The following KPNA5 variants were observed in gnomAD, a reference collection of about 807,000 sequenced individuals.
The protein encoded by KPNA5 is importin subunit alpha-6.
In KPNA5, 46 loss-of-function variants were observed where a neutral mutation model predicts 71.3. That is an observed-to-expected ratio of 0.65 (90% CI 0.51 to 0.83). The LOEUF (loss-of-function observed/expected upper bound fraction) is 0.83. Ranked by LOEUF, KPNA5 falls within the 40% of genes least tolerant of loss-of-function variation. The pLI is 0.00. For synonymous variants in KPNA5, 207 were observed against 201.4 expected (o/e 1.03, Z -0.24); for missense variants, 547 against 628.3 (o/e 0.87, Z 1.38).
intron 13 of KPNA5, among the ~76,000 whole-genome samples, chr6:116,731,064 G>T (rs1490326603): frequency 6.6e-6 from 1 of 151,676 alleles, no homozygotes; most frequent in African/African-American, 2.4e-5. Flanking sequence ...ACAGAGATTT[G>T]ATGAAAATTA....
At chr6:116,711,136 C>T (rs1241630704) in intron 7 of KPNA5, among the ~76,000 whole-genome samples, 2 of 151,302 alleles carry the variant, frequency 1.3e-5, no homozygotes, top group African/African-American at 2.4e-5. Context: ...TCAGGTGATC[C>T]GCTTGCCTCA....
At position 116,734,037 on chromosome 6, in the gene KPNA5, G is replaced by A. The variant is rs1164413200; in HGVS notation, c.*1714G>A. The A allele has an allele frequency of 2.0e-5, 3 of 151,594 alleles. No individual in the cohort carries two copies. In the South Asian group the frequency reaches 6.2e-4, roughly 31 times the overall value. 9.4% of individuals were successfully genotyped at this position (151,594 alleles called of 1,614,324 possible). On this transcript the variant is annotated 3_prime_UTR_variant, in exon 14 of 14. Coordinates refer to ENST00000368564, the MANE Select transcript of KPNA5 (RefSeq NM_001366306.2). ...TATTATTAAGTAGAAGATTGTATCT[G>A]TGCCCCTTTTTTCGTAGTGGAAGGT...
chr6:116,682,538 C>T (rs1777404304), intron 1 of KPNA5, among the ~76,000 whole-genome samples: 1 of 152,178 alleles, frequency 6.6e-6, no homozygotes, highest in Non-Finnish European at 1.5e-5. Context: ...TGAGGGCTCT[C>T]TAGTTGGCAC....
Position 116,739,981 on chromosome 6 carries a change from G to A in KPNA5, c.*7658G>A, listed in dbSNP as rs1259801055. The A allele has an allele frequency of 6.6e-6, 1 of 152,046 alleles. No individual in the cohort carries two copies. Among genetic ancestry groups the A allele is most frequent in the Non-Finnish European group, 1.5e-5 (1 of 68,078 alleles). The allele number at this position is 152,046 out of a possible 1,614,324, so 9.4% of individuals were successfully genotyped here. A position where few individuals can be genotyped will look rare whatever the true frequency, so the allele number is the denominator to read the frequency against. ...AACACCAAAAGCAATGGCAACAAAA[G>A]CCAAAATTGACAAATGGGATGTAAT... On this transcript the variant is annotated 3_prime_UTR_variant, in exon 14 of 14. Transcript: ENST00000368564.
In KPNA5 at chr6:116,741,214, T is replaced by C. The variant is rs1370064512; in HGVS notation, c.*8891T>C. On this transcript the variant is annotated 3_prime_UTR_variant, in exon 14 of 14. Coordinates refer to ENST00000368564, the MANE Select transcript of KPNA5 (RefSeq NM_001366306.2). ...CTAGTCTGCTTAATTCATCAGTTTCTAACTCGCCAGTTTCTAAGAGAGGTG... is the reference window on the plus strand; with the variant it reads ...CTAGTCTGCTTAATTCATCAGTTTCCAACTCGCCAGTTTCTAAGAGAGGTG... The C allele has an allele frequency of 6.6e-6, 1 of 152,158 alleles. No homozygotes were observed. Among genetic ancestry groups the C allele is most frequent in the Non-Finnish European group, 1.5e-5 (1 of 68,026 alleles). 9.4% of individuals were successfully genotyped at this position (152,158 alleles called of 1,614,324 possible).
chr6:116,705,523 T>G (rs950889179), intron 7 of KPNA5, among the ~76,000 whole-genome samples: 1 of 152,170 alleles, frequency 6.6e-6, no homozygotes, highest in Non-Finnish European at 1.5e-5. Flanking sequence ...TGTTTTAAAT[T>G]TTATTAAAAG....
chr6:116,682,515 G>A (rs1285695594), intron 1 of KPNA5, among the ~76,000 whole-genome samples: 1 of 152,136 alleles, frequency 6.6e-6, no homozygotes, highest in Admixed American at 6.5e-5. Flanking sequence ...CCTAAGTACT[G>A]CTTGTTTGGT....
chr6:116,694,186 G>A (rs1207526708), intron 4 of KPNA5, among the ~76,000 whole-genome samples: 1 of 152,082 alleles, frequency 6.6e-6, no homozygotes, highest in Non-Finnish European at 1.5e-5. Flanking sequence ...CTCCAGTTTT[G>A]TTCTTTTTGC....
At chr6:116,705,197 C>G (rs753620993) in intron 7 of KPNA5, 37 bp downstream of exon 7, 3 of 1,375,686 alleles carry the variant, frequency 2.2e-6, no homozygotes, top group South Asian at 2.4e-5. Context: ...ATATCAAAAA[C>G]TATATACTCC....
chr6:116,726,061 A>AGTGTGTGTGTGTGT (rs58131077), intron 11 of KPNA5, among the ~76,000 whole-genome samples, 185 bp downstream of exon 11: 3,831 of 150,620 alleles, frequency 0.025, 80 homozygotes, highest in African/African-American at 0.037. Context: ...AAGAACATCA[A>AGTGTGTGTGTGTGT]GTGTGTGTGT....
chr6:116,714,612 T>C (rs1375433560), intron 7 of KPNA5, among the ~76,000 whole-genome samples: 1 of 152,164 alleles, frequency 6.6e-6, no homozygotes, highest in Non-Finnish European at 1.5e-5. Flanking sequence ...ACATCCCTCA[T>C]AGCCCAAGTA....
chr6:116,726,589 A>T lies in KPNA5; in HGVS notation c.1220A>T (p.Asn407Ile). The T allele has an allele frequency of 6.2e-7, 1 of 1,612,220 alleles. No individual in the cohort carries two copies. Among genetic ancestry groups the T allele is most frequent in the Non-Finnish European group, 8.5e-7 (1 of 1,179,112 alleles). ...AAAGAAGCAGCTTGGGCTATAACTA[A>T]TGCAACATCAGGAGGTACTCCAGAG... ...TRKEAAWAIT[N>I]ATSGGTPEQI... The change falls in exon 12 of 14, where the codon AAT (asparagine) becomes ATT (isoleucine). Residue 407 changes from asparagine (N) to isoleucine (I), a missense_variant. Transcript: ENST00000368564.
At chr6:116,708,568 A>G (rs1160337657) in intron 7 of KPNA5, among the ~76,000 whole-genome samples, 1 of 152,192 alleles carries the variant, frequency 6.6e-6, no homozygotes, top group Non-Finnish European at 1.5e-5. Flanking sequence ...CCAATTCATG[A>G]ACCTGGGAAA....
At chr6:116,698,060 G>A (rs1469104867) in intron 4 of KPNA5, among the ~76,000 whole-genome samples, 1 of 151,996 alleles carries the variant, frequency 6.6e-6, no homozygotes, top group African/African-American at 2.4e-5. Context: ...GGAAGTTACT[G>A]AAGAACCGTA....
At chr6:116,712,339 A>G (rs916369915) in intron 7 of KPNA5, among the ~76,000 whole-genome samples, 1 of 152,168 alleles carries the variant, frequency 6.6e-6, no homozygotes, top group African/African-American at 2.4e-5. Flanking sequence ...AGTTTGTCTC[A>G]TTAGTGTAAC....
In KPNA5 at chr6:116,687,138, G is replaced by A. The variant is rs1583399779; in HGVS notation, c.5-2182G>A. On this transcript the variant is annotated intron_variant, in intron 1 of 13. Coordinates refer to ENST00000368564, the MANE Select transcript of KPNA5 (RefSeq NM_001366306.2). ...CTTTGGCCAGTATGTCCATTTTCAC[G>A]ATATTGATTCTTCCTATCCACAAGC... 4.6e-5 allele frequency among the ~76,000 whole-genome samples: 7 copies of A among 152,122 alleles called. No homozygotes were observed. The South Asian group carries it at 1.4e-3, about 31-fold the overall frequency.
Position 116,732,372 on chromosome 6 carries a change from A to G in KPNA5, c.*49A>G. ...TGGCTAAAAAGGGTAGCTTCAGGTA[A>G]CTCCTCTTTGTTGCCAATGTAAGAA... On this transcript the variant is annotated 3_prime_UTR_variant, in exon 14 of 14. Coordinates refer to ENST00000368564, the MANE Select transcript of KPNA5 (RefSeq NM_001366306.2). 9.4e-7 allele frequency: 1 copy of G among 1,062,006 alleles called. No homozygotes were observed. The allele number at this position is 1,062,006 out of a possible 1,614,324, so 65.8% of individuals were successfully genotyped here.
chr6:116,704,035 T>G (rs551874834), intron 6 of KPNA5, among the ~76,000 whole-genome samples: 1 of 152,106 alleles, frequency 6.6e-6, no homozygotes, highest in South Asian at 2.1e-4. Context: ...CTAAATGCTG[T>G]AGGCAATTTT....
Position 116,739,543 on chromosome 6 carries a change from C to T in KPNA5, c.*7220C>T, listed in dbSNP as rs1025950246. ...CAAAAAAGAGCCCGCATCGCCAAGT[C>T]AATCCTAAGCCAAAAGAACACAGCT... On this transcript the variant is annotated 3_prime_UTR_variant, in exon 14 of 14. Coordinates refer to ENST00000368564, the MANE Select transcript of KPNA5 (RefSeq NM_001366306.2). The T allele has an allele frequency of 6.6e-6, 1 of 152,222 alleles. No homozygotes were observed. Among genetic ancestry groups the T allele is most frequent in the Non-Finnish European group, 1.5e-5 (1 of 68,058 alleles). The allele number at this position is 152,222 out of a possible 1,614,324, so 9.4% of individuals were successfully genotyped here. A position where few individuals can be genotyped will look rare whatever the true frequency, so the allele number is the denominator to read the frequency against.
Sources: allele counts gnomAD v4.1 joint callset (sites outside exome capture counted in the v4.1 genomes callset), GRCh38; gene constraint gnomAD v4.1.1; transcripts MANE v1.5; gene names NCBI Gene and HGNC (gene_info 2026-07-23, HGNC 2026-07-21).